Variants in DTNBP1 observed in about 807,000 individuals in gnomAD.
DTNBP1 encodes the protein dysbindin.
A neutral mutation model predicts 42.8 loss-of-function variants in DTNBP1; 35 were observed. The observed-to-expected ratio is 0.82, with a 90% CI of 0.63 to 1.09. The LOEUF is 1.09. Among genes scored for constraint, DTNBP1 ranks in the 50% least tolerant of loss-of-function variants. The pLI is 0.00. For missense variants in DTNBP1, 457 were observed against 424.2 expected (o/e 1.08, Z -0.68); for synonymous variants, 171 against 162.2 (o/e 1.05, Z -0.41).
At chr6:15,656,685 C>G (rs574527685) in intron 1 of DTNBP1, among the ~76,000 whole-genome samples, 4 of 152,132 alleles carry the variant, frequency 2.6e-5, no homozygotes, top group African/African-American at 7.2e-5. Flanking sequence ...GAGGTTGAGG[C>G]TGCAGTGAGC....
chr6:15,537,654 CAT>C (rs904279958), intron 7 of DTNBP1, among the ~76,000 whole-genome samples: 1 of 152,094 alleles, frequency 6.6e-6, no homozygotes, highest in African/African-American at 2.4e-5. Flanking sequence ...CAGTTTCGCC[CAT>C]GCTGTTCCTG....
Position 15,523,013 on chromosome 6 carries a change from CTCTG to C in DTNBP1, c.1014_1017del (p.Asp338GlufsTer46), listed in dbSNP as rs764842497. On this transcript the variant is annotated frameshift_variant, in exon 10 of 10. Coordinates refer to ENST00000344537, the MANE Select transcript of DTNBP1 (RefSeq NM_032122.5). LOFTEE classifies it high-confidence loss of function. ...TCCTCACCACCATCCGGAGTGGCCTCTCTGTCAGTGTGTGATGTGGCCAGGGCAG... is the reference window on the plus strand; with the variant it reads ...TCCTCACCACCATCCGGAGTGGCCTCTCAGTGTGTGATGTGGCCAGGGCAG... The C allele has an allele frequency of 6.2e-7, 1 of 1,613,970 alleles. No homozygotes were observed. Among genetic ancestry groups the C allele is most frequent in the Non-Finnish European group, 8.5e-7 (1 of 1,179,932 alleles).
chr6:15,563,630 A>C (rs1043686518), intron 7 of DTNBP1, among the ~76,000 whole-genome samples: 2 of 152,230 alleles, frequency 1.3e-5, no homozygotes, highest in Non-Finnish European at 2.9e-5. Context: ...GAAGCCAACC[A>C]GCTTGAAGAT....
At chr6:15,528,166 G>A (rs957767305) in intron 8 of DTNBP1, among the ~76,000 whole-genome samples, 1 of 152,202 alleles carries the variant, frequency 6.6e-6, no homozygotes, top group Non-Finnish European at 1.5e-5. Flanking sequence ...CCCAAGAAGA[G>A]TCATGGCAAC....
chr6:15,567,290 TA>T (rs61019199), intron 7 of DTNBP1, among the ~76,000 whole-genome samples: 287 of 143,936 alleles, frequency 2.0e-3, no homozygotes, highest in East Asian at 3.0e-3. Flanking sequence ...TCCTGTCTCT[TA>T]AAAAAAAAAA....
chr6:15,584,924 TTG>T (rs1255773985), intron 7 of DTNBP1, among the ~76,000 whole-genome samples: 1 of 148,670 alleles, frequency 6.7e-6, no homozygotes, highest in African/African-American at 2.4e-5. Context: ...CAGGTATTTT[TTG>T]CAGTAAGTTC....
At chr6:15,594,543 T>A (rs572060990) in intron 6 of DTNBP1, among the ~76,000 whole-genome samples, 49 of 151,756 alleles carry the variant, frequency 3.2e-4, no homozygotes, top group African/African-American at 1.1e-3. Context: ...AATAATCAAC[T>A]TCATTCTTAA....
chr6:15,654,404 A>G (rs1450695326), intron 1 of DTNBP1, among the ~76,000 whole-genome samples: 1 of 152,178 alleles, frequency 6.6e-6, no homozygotes, highest in Admixed American at 6.5e-5. Flanking sequence ...CTCATACTCA[A>G]AATGATTCTC....
chr6:15,618,312 C>T (rs1427172024), intron 5 of DTNBP1, among the ~76,000 whole-genome samples: 3 of 152,104 alleles, frequency 2.0e-5, no homozygotes, highest in Admixed American at 2.0e-4. Context: ...AATGAGATAT[C>T]ATCTCACCCT....
intron 4 of DTNBP1, among the ~76,000 whole-genome samples, chr6:15,631,746 C>A (rs992397376): frequency 6.6e-6 from 1 of 152,132 alleles, no homozygotes; most frequent in African/African-American, 2.4e-5. Context: ...CTCCCCAGCC[C>A]CTGCAGGTTG....
chr6:15,599,571 G>A lies in DTNBP1; in HGVS notation c.489-6490C>T, dbSNP rs150872791. Among the ~76,000 whole-genome samples the A allele has an allele frequency of 3.0e-3, 461 of 152,146 alleles. 5 individuals carry two copies. The highest frequency in any genetic ancestry group is 0.017 in the Middle Eastern group (5 of 294). On this transcript the variant is annotated intron_variant, in intron 6 of 9. Transcript: ENST00000344537. The stretch of plus-strand genomic sequence containing the variant: ...CTCAGAGCCACCCCAAAACATCCAG[G>A]CAACATCTGGGTCTACCTAGCTTGG...
intron 6 of DTNBP1, 81 bp from the exon 7 acceptor site, chr6:15,593,162 A>G (rs1776369447): frequency 1.5e-6 from 2 of 1,319,036 alleles, no homozygotes; most frequent in Non-Finnish European, 2.1e-6. Flanking sequence ...TCATAATAAA[A>G]ACTTATGTAC....
chr6:15,583,927 C>G (rs759476429), intron 7 of DTNBP1, among the ~76,000 whole-genome samples: 1 of 152,108 alleles, frequency 6.6e-6, no homozygotes, highest in Non-Finnish European at 1.5e-5. Flanking sequence ...AGTGCCAATT[C>G]CCCTTCAATA....
At chr6:15,644,420 A>AACCTAATGG (rs970619443) in intron 3 of DTNBP1, among the ~76,000 whole-genome samples, 7 of 152,072 alleles carry the variant, frequency 4.6e-5, no homozygotes, top group Non-Finnish European at 8.8e-5. Context: ...TTAGACTCTC[A>AACCTAATGG]ACCTAATGGA....
At chr6:15,592,378 T>A (rs1776335621) in intron 7 of DTNBP1, among the ~76,000 whole-genome samples, 1 of 152,214 alleles carries the variant, frequency 6.6e-6, no homozygotes, top group Non-Finnish European at 1.5e-5. Context: ...AGTAATTAAT[T>A]GAAAAATGGG....
chr6:15,548,753 AG>A (rs1214242716), intron 7 of DTNBP1, among the ~76,000 whole-genome samples: 1 of 152,220 alleles, frequency 6.6e-6, no homozygotes, highest in African/African-American at 2.4e-5. Flanking sequence ...GAGGAAAAAA[AG>A]AAGGCAGTTA....
intron 7 of DTNBP1, among the ~76,000 whole-genome samples, chr6:15,571,306 G>T (rs1038144578): frequency 3.3e-5 from 5 of 152,126 alleles, no homozygotes; most frequent in Non-Finnish European, 7.4e-5. Flanking sequence ...ATACATAAAA[G>T]AAAAGATTTT....
intron 7 of DTNBP1, among the ~76,000 whole-genome samples, chr6:15,559,361 G>GA (rs1281982504): frequency 1.3e-5 from 2 of 152,078 alleles, no homozygotes; most frequent in African/African-American, 2.4e-5. Context: ...TGAGCTGAGT[G>GA]AAAATCAAAA....
intron 7 of DTNBP1, among the ~76,000 whole-genome samples, chr6:15,552,810 T>G (rs1440486717): frequency 6.6e-6 from 1 of 152,234 alleles, no homozygotes; most frequent in Non-Finnish European, 1.5e-5. Context: ...AGGATGAAGA[T>G]TTGCCCATCA....
Sources: allele counts gnomAD v4.1 joint callset (sites outside exome capture counted in the v4.1 genomes callset), GRCh38; gene constraint gnomAD v4.1.1; transcripts MANE v1.5; gene names NCBI Gene and HGNC (gene_info 2026-07-23, HGNC 2026-07-21).